HEATR9: variants seen among roughly 807,000 people sequenced by gnomAD.
The protein encoded by HEATR9 is HEAT repeat containing 9.
A neutral mutation model predicts 68.2 loss-of-function variants in HEATR9; 54 were observed. That is an observed-to-expected ratio of 0.79 (90% CI 0.64 to 0.99). HEATR9 has a LOEUF of 0.99. Among genes scored for constraint, HEATR9 ranks in the 50% least tolerant of loss-of-function variants. The pLI is 0.00. For synonymous variants in HEATR9, 241 were observed against 253.5 expected, an observed-to-expected ratio of 0.95 and a Z score of 0.47; for missense variants, 662 against 679.7, an observed-to-expected ratio of 0.97 and a Z score of 0.29.
chr17:35,855,848 G>C, intron 13 of HEATR9, 98 bp from the exon 14 acceptor site: 1 of 1,006,828 alleles, frequency 9.9e-7, no homozygotes, highest in Non-Finnish European at 1.6e-6. Context: ...CTGCAGCATA[G>C]AGAGGGGGGA....
chr17:35,856,645 T>TG, intron 12 of HEATR9, 87 bp downstream of exon 12: 1 of 1,209,294 alleles, frequency 8.3e-7, no homozygotes, highest in Non-Finnish European at 1.2e-6. Flanking sequence ...ACTGACCCTC[T>TG]GACCCCTTCC....
At position 35,858,230 on chromosome 17, in the gene HEATR9, G is replaced by C; in HGVS notation, c.1122C>G (p.Leu374=). ...QGLEELTFNL[L]RRKTHNEPFL... ...AGGGTTCATTATGCGTCTTCCTCCT[G>C]AGCAGGTTAAATGTGAGTTCCTCTA... The change falls in exon 11 of 15, where the codon CTC becomes CTG. Residue 374 remains leucine, a synonymous_variant. Coordinates refer to ENST00000604834, the MANE Select transcript of HEATR9 (RefSeq NM_152781.4). 1 of 1,614,164 alleles carries C rather than the reference G, an allele frequency of 6.2e-7. No individual in the cohort carries two copies. Among genetic ancestry groups the C allele is most frequent in the Middle Eastern group, 1.6e-4 (1 of 6,062 alleles).
chr17:35,863,013 AG>A lies in HEATR9; in HGVS notation c.737del (p.Ala246ValfsTer24), dbSNP rs145647201. Reference protein sequence around the residue: ...TGLRMALNSWAAVSKDKRTQV... With the variant: ...TGLRMALNSWXAVSKDKRTQV... Reference sequence around the variant, plus strand: ...CAATCACCTTGTCTTTAGAGACAGCAGCCCAGGAGTTAAGAGCCATTCGTAG... The same window carrying A: ...CAATCACCTTGTCTTTAGAGACAGCACCCAGGAGTTAAGAGCCATTCGTAG... On this transcript the variant is annotated frameshift_variant, in exon 8 of 15. Transcript: ENST00000604834. LOFTEE classifies it high-confidence loss of function. 109 of 1,614,220 alleles carry A rather than the reference AG, an allele frequency of 6.8e-5. No homozygotes were observed. In the East Asian group the frequency reaches 1.2e-3, roughly 18 times the overall value.
chr17:35,861,126 C>A, intron 8 of HEATR9: 1 of 1,246,864 alleles, frequency 8.0e-7, no homozygotes, highest in East Asian at 2.3e-5. Context: ...GTACCATTTT[C>A]TCTTCCAACT....
At chr17:35,856,094 C>T in intron 13 of HEATR9, 79 bp downstream of exon 13, 1 of 1,448,828 alleles carries the variant, frequency 6.9e-7, no homozygotes, top group Non-Finnish European at 9.7e-7. Context: ...CCTTTATTCC[C>T]CTCAGTGACT....
chr17:35,856,370 A>T (rs1447203891), intron 12 of HEATR9, 146 bp from the exon 13 acceptor site: 5 of 1,580,442 alleles, frequency 3.2e-6, no homozygotes, highest in Non-Finnish European at 4.3e-6. Flanking sequence ...TGGATCAGAA[A>T]AGGGGCAGGG....
rs780600451 is a variant in HEATR9, at chr17:35,865,371, C to T, written c.164G>A (p.Ser55Asn). 2.9e-5 allele frequency: 46 copies of T among 1,612,650 alleles called. No individual in the cohort carries two copies. In the South Asian group the frequency reaches 4.6e-4, roughly 16 times the overall value. Residue 55 changes from serine to asparagine, a missense_variant, in exon 3 of 15, where the codon AGT (serine) becomes AAT (asparagine). Physicochemically the swap from Ser to Asn is conservative, Grantham distance 46 (BLOSUM62 1). Coordinates refer to ENST00000604834, the MANE Select transcript of HEATR9 (RefSeq NM_152781.4). ...CGGATGCTGCCTCCAGCACTCTGGA[C>T]TTGGGGGAAACTCTTCCTTTGGCAT... ...YQMPKEEFPPSPECWRQHPSK... is the reference protein window; with the variant it reads ...YQMPKEEFPPNPECWRQHPSK...
intron 13 of HEATR9, 59 bp downstream of exon 13, chr17:35,856,114 C>A: frequency 6.5e-7 from 1 of 1,542,396 alleles, no homozygotes; most frequent in Non-Finnish European, 9.0e-7. Context: ...TCTGCTCAAT[C>A]GCCTACTCCC....
chr17:35,865,451 G>A, intron 2 of HEATR9, 55 bp from the exon 3 acceptor site: 1 of 1,405,772 alleles, frequency 7.1e-7, no homozygotes, highest in Non-Finnish European at 9.9e-7. Flanking sequence ...CCTTACTTGT[G>A]AGGGTATGGG....
chr17:35,868,815 C>T lies in HEATR9; in HGVS notation c.-73G>A. 2.3e-6 allele frequency: 3 copies of T among 1,329,202 alleles called. No individual in the cohort carries two copies. Among genetic ancestry groups the T allele is most frequent in the South Asian group, 1.2e-5 (1 of 83,524 alleles). 82.3% of individuals were successfully genotyped at this position (1,329,202 alleles called of 1,614,324 possible). On this transcript the variant is annotated 5_prime_UTR_variant, in exon 1 of 15. Transcript: ENST00000604834. Reference sequence around the variant, plus strand: ...GGCTTTTAGGGGAGTGGGGGCACAGCTGGAGGAGACCTGTCCTCTGTGGTA... The same window carrying T: ...GGCTTTTAGGGGAGTGGGGGCACAGTTGGAGGAGACCTGTCCTCTGTGGTA...
At position 35,865,032 on chromosome 17, in the gene HEATR9, A is replaced by G. The variant is rs1320347425; in HGVS notation, c.321-142T>C. 1.5e-5 allele frequency: 21 copies of G among 1,357,792 alleles called. No individual in the cohort carries two copies. In the East Asian group the frequency reaches 4.4e-4, roughly 28 times the overall value. The allele number at this position is 1,357,792 out of a possible 1,614,324, so 84.1% of individuals were successfully genotyped here. A position where few individuals can be genotyped will look rare whatever the true frequency, so the allele number is the denominator to read the frequency against. The stretch of plus-strand genomic sequence containing the variant: ...AGATGAGGACTCAGTGATATCCACC[A>G]GAGCCGAGCCGAGCCGAGCCGGCCG... On this transcript the variant is annotated intron_variant, in intron 3 of 14. Transcript: ENST00000604834.
chr17:35,859,562 C>G (rs111509084), intron 8 of HEATR9, among the ~76,000 whole-genome samples: 42 of 152,346 alleles, frequency 2.8e-4, no homozygotes, highest in African/African-American at 9.9e-4. Context: ...TCCTCCACAC[C>G]TCTGTCCCTC....
chr17:35,860,021 T>C (rs2087920922), intron 8 of HEATR9, among the ~76,000 whole-genome samples: 1 of 152,204 alleles, frequency 6.6e-6, no homozygotes, highest in South Asian at 2.1e-4. Context: ...CTATAGACTA[T>C]AACCATCTAT....
chr17:35,856,796 G>T lies in HEATR9; in HGVS notation c.1162C>A (p.Gln388Lys). Residue 388 changes from glutamine to lysine, a missense_variant, in exon 12 of 15, where the codon CAG becomes AAG. Physicochemically the swap from Gln to Lys is moderately conservative, Grantham distance 53. Transcript: ENST00000604834. ...THNEPFLAVR[Q>K]AVAQTVEELK... ...TCTTCCACAGTTTGAGCCACAGCCT[G>T]CCTCACAGCCTGCAGAGGGATCAAA... 6.2e-7 allele frequency: 1 copy of T among 1,603,276 alleles called. No individual in the cohort carries two copies. Among genetic ancestry groups the T allele is most frequent in the South Asian group, 1.1e-5 (1 of 88,770 alleles).
In HEATR9 at chr17:35,855,647, A is replaced by G. The variant is rs2087744674; in HGVS notation, c.1365+17T>C. On this transcript the variant is annotated intron_variant, in intron 14 of 14. Transcript: ENST00000604834. ...GGCTAGAGAAGAGGAAGAAGTGGGCAGGAACGCCTTACTTACACTCTTCTT... is the reference window on the plus strand; with the variant it reads ...GGCTAGAGAAGAGGAAGAAGTGGGCGGGAACGCCTTACTTACACTCTTCTT... 6.8e-6 allele frequency: 11 copies of G among 1,610,150 alleles called. No individual in the cohort carries two copies. Among genetic ancestry groups the G allele is most frequent in the Non-Finnish European group, 9.3e-6 (11 of 1,176,560 alleles).
At chr17:35,861,498 G>T in intron 8 of HEATR9, 2 of 1,184,222 alleles carry the variant, frequency 1.7e-6, no homozygotes, top group Non-Finnish European at 2.5e-6. Context: ...TGCAGTCGTT[G>T]CGGACAAACA....
chr17:35,856,467 C>G (rs558509479), intron 12 of HEATR9: 5 of 1,114,330 alleles, frequency 4.5e-6, no homozygotes, highest in Non-Finnish European at 6.5e-6. Flanking sequence ...AAAAAAAGTT[C>G]TTTTCATGTC....
Position 35,864,521 on chromosome 17 carries a change from C to T in HEATR9, c.486G>A (p.Glu162=). 2 of 1,614,022 alleles carry T rather than the reference C, an allele frequency of 1.2e-6. No homozygotes were observed. The highest frequency in any genetic ancestry group is 1.7e-6 in the Non-Finnish European group (2 of 1,179,904). The change falls in exon 5 of 15, where the codon GAG becomes GAA. Residue 162 remains glutamate, a synonymous_variant. Coordinates refer to ENST00000604834, the MANE Select transcript of HEATR9 (RefSeq NM_152781.4). Reference sequence around the variant, plus strand: ...CCTGTGCTGCATAGAACTGCTCATCCTCTCTGGGAGATTCCAGGCTTTTTG... The same window carrying T: ...CCTGTGCTGCATAGAACTGCTCATCTTCTCTGGGAGATTCCAGGCTTTTTG... ...ELTKSLESPR[E]DEQFYAAQAL... is the part of the protein sequence containing the mutation.
intron 11 of HEATR9, among the ~76,000 whole-genome samples, chr17:35,857,974 TGA>T (rs1450993480): frequency 6.6e-6 from 1 of 152,142 alleles, no homozygotes; most frequent in African/African-American, 2.4e-5. Context: ...GTGAATAGTA[TGA>T]GACAGTTTTT....
Sources: allele counts gnomAD v4.1 joint callset (sites outside exome capture counted in the v4.1 genomes callset), GRCh38; gene constraint gnomAD v4.1.1; transcripts MANE v1.5; gene names NCBI Gene and HGNC (gene_info 2026-07-23, HGNC 2026-07-21).